CSMD1: variants seen among roughly 807,000 people sequenced by gnomAD.
The protein encoded by CSMD1 is CUB and sushi domain-containing protein 1.
Under a neutral mutation model 417.5 loss-of-function variants are expected in CSMD1, and 213 were observed. The observed-to-expected ratio is 0.51, with a 90% CI of 0.46 to 0.57. The LOEUF (loss-of-function observed/expected upper bound fraction) is 0.57. Among genes scored for constraint, CSMD1 ranks in the 20% least tolerant of loss-of-function variants. The probability of loss-of-function intolerance (pLI) is 0.00; values close to 1 mark genes in which losing one functional copy is unlikely to be tolerated. For missense variants in CSMD1, 6,923 were observed against 4,529.7 expected, an observed-to-expected ratio of 1.53 and a Z score of -15.17; for synonymous variants, 2,862 against 1,736.8, an observed-to-expected ratio of 1.65 and a Z score of -16.11.
chr8:3,464,637 CTATA>C (rs979407335), intron 12 of CSMD1, among the ~76,000 whole-genome samples: 17 of 149,554 alleles, frequency 1.1e-4, no homozygotes, highest in South Asian at 4.2e-4. Flanking sequence ...TAGGTAGAAT[CTATA>C]TATATAGCAA....
intron 5 of CSMD1, among the ~76,000 whole-genome samples, chr8:3,976,633 G>A (rs947203027): frequency 6.6e-6 from 1 of 152,162 alleles, no homozygotes; most frequent in African/African-American, 2.4e-5. Context: ...GCAACCCTAT[G>A]ACCACCCTGA....
At chr8:3,552,411 C>T (rs534648459) in intron 10 of CSMD1, among the ~76,000 whole-genome samples, 4 of 152,202 alleles carry the variant, frequency 2.6e-5, no homozygotes, top group African/African-American at 9.6e-5. Context: ...ATAAACAGTT[C>T]ATAACAATTT....
chr8:4,513,278 T>G (rs1802927511), intron 2 of CSMD1, among the ~76,000 whole-genome samples: 1 of 152,154 alleles, frequency 6.6e-6, no homozygotes, highest in African/African-American at 2.4e-5. Context: ...TTTTTTAACC[T>G]TCCCCTTAAT....
At chr8:3,221,190 C>G (rs1798191482) in intron 28 of CSMD1, among the ~76,000 whole-genome samples, 1 of 152,140 alleles carries the variant, frequency 6.6e-6, no homozygotes, top group Admixed American at 6.5e-5. Flanking sequence ...CGGTGCAACG[C>G]CCAGCCTGCA....
At chr8:3,448,419 G>GAA (rs1815469434) in intron 12 of CSMD1, among the ~76,000 whole-genome samples, 1 of 137,760 alleles carries the variant, frequency 7.3e-6, no homozygotes, top group East Asian at 2.4e-4. Flanking sequence ...AGGAAGGAAG[G>GAA]GAAGGAAGAA....
intron 3 of CSMD1, among the ~76,000 whole-genome samples, chr8:4,141,669 TTC>T: frequency 6.6e-6 from 1 of 151,142 alleles, no homozygotes; most frequent in Non-Finnish European, 1.5e-5. Flanking sequence ...ATCTCTAAAC[TTC>T]TCCAGAAATT....
intron 2 of CSMD1, among the ~76,000 whole-genome samples, chr8:4,436,643 A>G (rs1352701917): frequency 6.6e-6 from 1 of 152,012 alleles, no homozygotes; most frequent in Non-Finnish European, 1.5e-5. Flanking sequence ...TTTTTAATCC[A>G]TTAACAATCA....
At chr8:4,287,217 C>T (rs73189946) in intron 3 of CSMD1, among the ~76,000 whole-genome samples, 1 of 152,188 alleles carries the variant, frequency 6.6e-6, no homozygotes, top group Admixed American at 6.5e-5. Context: ...AATTAGATAT[C>T]TTGCCTCTAT....
At position 3,934,673 on chromosome 8, in the gene CSMD1, A is replaced by G. The variant is rs144870498; in HGVS notation, c.818+63230T>C. On this transcript the variant is annotated intron_variant, in intron 5 of 69. Coordinates refer to ENST00000635120, the MANE Select transcript of CSMD1 (RefSeq NM_033225.6). ...GTTCGAGACCAGCCTGGCCAACATGATGAAACCCTGTCTCTACTAAACATG... is the reference window on the plus strand; with the variant it reads ...GTTCGAGACCAGCCTGGCCAACATGGTGAAACCCTGTCTCTACTAAACATG... Among the ~76,000 whole-genome samples, 596 of 152,052 alleles carry G rather than the reference A, an allele frequency of 3.9e-3. 3 individuals carry two copies. Among genetic ancestry groups the G allele is most frequent in the Middle Eastern group, 0.01 (3 of 294 alleles).
At chr8:4,934,905 T>C (rs879919170) in intron 1 of CSMD1, among the ~76,000 whole-genome samples, 2 of 152,194 alleles carry the variant, frequency 1.3e-5, no homozygotes, top group African/African-American at 2.4e-5. Flanking sequence ...CATCTACCTA[T>C]AATGTATCAA....
chr8:3,116,853 C>G (rs1346790097), intron 42 of CSMD1, among the ~76,000 whole-genome samples: 1 of 151,708 alleles, frequency 6.6e-6, no homozygotes, highest in African/African-American at 2.4e-5. Context: ...CTGATAATTT[C>G]AAAAGAATTT....
chr8:4,184,857 G>A (rs576848783), intron 3 of CSMD1, among the ~76,000 whole-genome samples: 3 of 152,000 alleles, frequency 2.0e-5, no homozygotes, highest in South Asian at 2.1e-4. Context: ...CAACACTTTC[G>A]GAGGCCAAGG....
chr8:3,299,926 G>A (rs1411251685), intron 25 of CSMD1, among the ~76,000 whole-genome samples: 1 of 152,106 alleles, frequency 6.6e-6, no homozygotes, highest in Admixed American at 6.5e-5. Flanking sequence ...AGGCAATTTG[G>A]TAATGGCTAT....
chr8:4,411,008 C>G (rs1048736095), intron 3 of CSMD1, among the ~76,000 whole-genome samples: 3 of 152,056 alleles, frequency 2.0e-5, no homozygotes, highest in African/African-American at 7.2e-5. Flanking sequence ...TGTGTCTTAC[C>G]TCTTTTGCAT....
At chr8:3,409,858 G>A (rs1016121852) in intron 12 of CSMD1, among the ~76,000 whole-genome samples, 4 of 152,204 alleles carry the variant, frequency 2.6e-5, no homozygotes, top group Non-Finnish European at 5.9e-5. Context: ...CAGATACGCT[G>A]ACAACACAAA....
At chr8:4,832,360 G>A (rs1325080327) in intron 1 of CSMD1, among the ~76,000 whole-genome samples, 1 of 152,154 alleles carries the variant, frequency 6.6e-6, no homozygotes, top group Non-Finnish European at 1.5e-5. Context: ...ATGCTACAGT[G>A]GCAATGAACT....
chr8:4,070,558 C>T (rs975287760), intron 3 of CSMD1, among the ~76,000 whole-genome samples: 14 of 152,090 alleles, frequency 9.2e-5, no homozygotes, highest in African/African-American at 1.7e-4. Context: ...GGGGTTTCAC[C>T]GTGTTAGCCA....
chr8:3,469,873 A>C (rs1367464577), intron 11 of CSMD1, among the ~76,000 whole-genome samples: 1 of 152,202 alleles, frequency 6.6e-6, no homozygotes, highest in African/African-American at 2.4e-5. Flanking sequence ...TGGTTAACTA[A>C]ATATGTATTT....
chr8:3,776,621 C>A (rs1344957259), intron 5 of CSMD1, among the ~76,000 whole-genome samples: 2 of 152,088 alleles, frequency 1.3e-5, no homozygotes, highest in South Asian at 2.1e-4. Flanking sequence ...ATTGTAGACT[C>A]CATATCCAGC....
Sources: gnomAD v4.1 joint callset for allele counts (sites outside exome capture counted in the v4.1 genomes callset) on GRCh38, gnomAD v4.1.1 for gene constraint, MANE v1.5 for transcripts, NCBI Gene and HGNC (gene_info 2026-07-23, HGNC 2026-07-21) for gene names.